Variants in NECTIN4 observed in about 807,000 individuals in gnomAD.
NECTIN4 encodes nectin-4.
Under a neutral mutation model 51.7 loss-of-function variants are expected in NECTIN4, and 19 were observed. That is an observed-to-expected ratio of 0.37 (90% confidence interval 0.26 to 0.54). The LOEUF is 0.54. Ranked by LOEUF, NECTIN4 falls within the 20% of genes least tolerant of loss-of-function variation. The pLI is 0.86. For missense variants in NECTIN4, 619 were observed against 662.4 expected (o/e 0.93, Z 0.72); for synonymous variants, 283 against 286.9 (o/e 0.99, Z 0.14).
chr1:161,079,747 G>A lies in NECTIN4; in HGVS notation c.282C>T (p.Tyr94=), dbSNP rs766926567. The A allele has an allele frequency of 1.9e-6, 3 of 1,611,130 alleles. No individual in the cohort carries two copies. In the South Asian group the frequency reaches 3.3e-5, roughly 18 times the overall value. Residue 94 remains tyrosine, a synonymous_variant, in exon 2 of 9, where the codon TAC becomes TAT. Coordinates refer to ENST00000368012, the MANE Select transcript of NECTIN4 (RefSeq NM_030916.3). The part of the protein sequence containing the change: ...SKYGLHVSPA[Y]EGRVEQPPPP... Reference sequence around the variant, plus strand: ...GCGGCGGCTGCTCCACGCGGCCCTCGTAAGCCGGGCTCACATGAAGCCCGT... The same window carrying A: ...GCGGCGGCTGCTCCACGCGGCCCTCATAAGCCGGGCTCACATGAAGCCCGT...
In NECTIN4 at chr1:161,070,998, C is replaced by T. The variant is rs1385146243; in HGVS notation, c.*1663G>A. On this transcript the variant is annotated 3_prime_UTR_variant, in exon 9 of 9. Coordinates refer to ENST00000368012, the MANE Select transcript of NECTIN4 (RefSeq NM_030916.3). The stretch of plus-strand genomic sequence containing the variant: ...GGGGCAAGACAGGAGCCAGACAGAA[C>T]AAGTTTTGTCTGTTTATTTAAAAAC... 4 of 152,086 alleles carry T rather than the reference C, an allele frequency of 2.6e-5. No homozygotes were observed. The highest frequency in any genetic ancestry group is 9.7e-5 in the African/African-American group (4 of 41,388). The allele number at this position is 152,086 out of a possible 1,614,324, so 9.4% of individuals were successfully genotyped here.
intron 1 of NECTIN4, among the ~76,000 whole-genome samples, chr1:161,085,379 C>T (rs146075641): frequency 0.013 from 1,917 of 152,240 alleles, 32 homozygotes; most frequent in Non-Finnish European, 0.018. Context: ...CTGGCTGAGT[C>T]ACCACAACAG....
At chr1:161,074,791 C>G (rs753131344) in intron 4 of NECTIN4, 32 bp from the exon 5 acceptor site, 2 of 1,607,356 alleles carry the variant, frequency 1.2e-6, no homozygotes, top group Non-Finnish European at 8.5e-7. Context: ...GGGTGCCAGC[C>G]GGGAAGGGCT....
At position 161,074,699 on chromosome 1, in the gene NECTIN4, T is replaced by C. The variant is rs778115899; in HGVS notation, c.912A>G (p.Pro304=). ...RVDGDTLGFP[P]LTTEHSGIYV... ...AGATGCCGCTGTGCTCAGTGGTCAGTGGGGGAAAGCCCAAAGTGTCCCCAT... is the reference window on the plus strand; with the variant it reads ...AGATGCCGCTGTGCTCAGTGGTCAGCGGGGGAAAGCCCAAAGTGTCCCCAT... The change falls in exon 5 of 9, where the codon CCA becomes CCG. Residue 304 remains proline, a synonymous_variant. Transcript: ENST00000368012. The C allele has an allele frequency of 1.2e-6, 2 of 1,614,182 alleles. No individual in the cohort carries two copies. The highest frequency in any genetic ancestry group is 2.2e-5 in the East Asian group (1 of 44,882).
intron 1 of NECTIN4, chr1:161,087,195 G>A (rs928635025): frequency 1.3e-5 from 2 of 152,226 alleles, no homozygotes; most frequent in African/African-American, 4.8e-5. Context: ...GAGCCAGAAT[G>A]GGGGTGGTAG....
chr1:161,077,712 T>C lies in NECTIN4; in HGVS notation c.471A>G (p.Pro157=), dbSNP rs556317834. 3 of 1,611,558 alleles carry C rather than the reference T, an allele frequency of 1.9e-6. No individual in the cohort carries two copies. The African/African-American group carries it at 4.0e-5, about 22-fold the overall frequency. Residue 157 remains proline, a synonymous_variant, in exon 3 of 9, where the codon CCA becomes CCG. Transcript: ENST00000368012. ...TCAGGCCCTGGCCCTCTTCTAGTGC[T>C]GGACCAGGATTCAGTGAGGGCAGGG... ...VPPLPSLNPG[P]ALEEGQGLTL...
At chr1:161,076,566 G>A (rs1653425373) in intron 3 of NECTIN4, 91 bp from the exon 4 acceptor site, 2 of 1,547,456 alleles carry the variant, frequency 1.3e-6, no homozygotes, top group Admixed American at 1.7e-5. Flanking sequence ...CACCCTGCCT[G>A]AAACACCCTC....
At position 161,077,671 on chromosome 1, in the gene NECTIN4, C is replaced by T; in HGVS notation, c.512G>A (p.Cys171Tyr). Residue 171 changes from cysteine (C) to tyrosine (Y), a missense_variant, in exon 3 of 9, where the codon TGC (cysteine) becomes TAC (tyrosine). Cys to Tyr is a radical substitution (Grantham distance 194). Around this residue, in one of 3 missense-constraint regions of NECTIN4, gnomAD observed 37 missense variants for 60.3 expected, o/e 0.61. Transcript: ENST00000368012. ...GGGGGCTGGGCTGCCCTCAGCTGTGCAGGAGGCTGCCAGGGTCAGGCCCTG... is the reference window on the plus strand; with the variant it reads ...GGGGGCTGGGCTGCCCTCAGCTGTGTAGGAGGCTGCCAGGGTCAGGCCCTG... ...EGQGLTLAAS[C>Y]TAEGSPAPSV... 1 of 1,613,346 alleles carries T rather than the reference C, an allele frequency of 6.2e-7. No homozygotes were observed. The highest frequency in any genetic ancestry group is 8.5e-7 in the Non-Finnish European group (1 of 1,180,022).
At chr1:161,080,896 A>G (rs1653652530) in intron 1 of NECTIN4, among the ~76,000 whole-genome samples, 1 of 152,206 alleles carries the variant, frequency 6.6e-6, no homozygotes, top group Admixed American at 6.5e-5. Flanking sequence ...GGAGACACAT[A>G]TGGAAACATG....
intron 8 of NECTIN4, 83 bp downstream of exon 8, chr1:161,073,142 G>A: frequency 8.1e-7 from 1 of 1,230,028 alleles, no homozygotes; most frequent in Non-Finnish European, 1.2e-6. Flanking sequence ...GACTGGTAAG[G>A]GGGCTGCTGA....
At chr1:161,080,072 C>A in intron 1 of NECTIN4, 123 bp from the exon 2 acceptor site, 1 of 1,148,042 alleles carries the variant, frequency 8.7e-7, no homozygotes, top group Non-Finnish European at 1.2e-6. Context: ...TTGCAAAGCA[C>A]ATTCAGTTCA....
rs1653231833 is a variant in NECTIN4 at position 161,072,739 on chromosome 1, A to T, written c.1455T>A (p.Phe485Leu). 1 of 1,614,090 alleles carries T rather than the reference A, an allele frequency of 6.2e-7. No individual in the cohort carries two copies. Among genetic ancestry groups the T allele is most frequent in the African/African-American group, 1.3e-5 (1 of 74,942 alleles). ...CCCGTAGGGTCCCATTCTCCTGAAC[A>T]AAATGGTTCATGGCCTGTTTGATGC... ...DEGIKQAMNHFVQENGTLRAK... is the reference protein window; with the variant it reads ...DEGIKQAMNHLVQENGTLRAK... Residue 485 changes from phenylalanine to leucine, a missense_variant, in exon 9 of 9, where the codon TTT becomes TTA. Phe to Leu is a conservative substitution (Grantham distance 22, BLOSUM62 0). Transcript: ENST00000368012.
At chr1:161,081,188 G>A (rs977897206) in intron 1 of NECTIN4, among the ~76,000 whole-genome samples, 3 of 152,100 alleles carry the variant, frequency 2.0e-5, no homozygotes, top group African/African-American at 7.2e-5. Flanking sequence ...GGACAGGGTG[G>A]GGCCAAATCA....
At chr1:161,072,910 G>A in intron 8 of NECTIN4, 25 bp from the exon 9 acceptor site, 1 of 1,595,096 alleles carries the variant, frequency 6.3e-7, no homozygotes, top group Non-Finnish European at 8.5e-7. Context: ...CAAAGGGCAA[G>A]TCAGGAACAA....
intron 1 of NECTIN4, among the ~76,000 whole-genome samples, chr1:161,088,403 C>T (rs1341143061): frequency 6.6e-6 from 1 of 152,286 alleles, no homozygotes; most frequent in Non-Finnish European, 1.5e-5. Flanking sequence ...ACACACTCTC[C>T]TCTACTCTGA....
rs1425490823 is a variant in NECTIN4 at position 161,089,314 on chromosome 1, C to T, written c.-18G>A. 1.2e-5 allele frequency: 19 copies of T among 1,597,930 alleles called. No homozygotes were observed. Among genetic ancestry groups the T allele is most frequent in the Non-Finnish European group, 1.6e-5 (19 of 1,176,290 alleles). ...AGGGGCATGGTTGAAAGGCAGACTG[C>T]CCAGCGTTTCTGAAGTTCCACCGAG... On this transcript the variant is annotated 5_prime_UTR_variant, in exon 1 of 9. Transcript: ENST00000368012. The surrounding 1 kb of genome is among the most constrained non-coding windows in gnomAD (Gnocchi z 4.1).
Position 161,079,876 on chromosome 1 carries a change from G to A in NECTIN4, c.153C>T (p.Pro51=), listed in dbSNP as rs745820981. The A allele has an allele frequency of 6.2e-7, 1 of 1,613,876 alleles. No homozygotes were observed. Among genetic ancestry groups the A allele is most frequent in the South Asian group, 1.1e-5 (1 of 91,078 alleles). ...CGCCGGAGTCCCCTCGGTAGAAGCA[G>A]GGCAGTTTTGCGTCCTGGCCCAGCA... is the stretch of plus-strand genomic sequence containing the variant. ...TVVLGQDAKL[P]CFYRGDSGEQ... Residue 51 remains proline (P), a synonymous_variant, in exon 2 of 9, where the codon CCC becomes CCT. Transcript: ENST00000368012.
At position 161,079,527 on chromosome 1, in the gene NECTIN4, C is replaced by T. The variant is rs1427491807; in HGVS notation, c.439+63G>A. On this transcript the variant is annotated intron_variant, in intron 2 of 8. Transcript: ENST00000368012. Reference sequence around the variant, plus strand: ...CCTCTGCCCCATCCATCTCTGCAGTCCCCATCTCTGCTTCCCCCTGCATCC... The same window carrying T: ...CCTCTGCCCCATCCATCTCTGCAGTTCCCATCTCTGCTTCCCCCTGCATCC... 107 of 1,587,602 alleles carry T rather than the reference C, an allele frequency of 6.7e-5. 2 individuals carry two copies. The highest frequency in any genetic ancestry group is 7.1e-5 in the Non-Finnish European group (83 of 1,171,992).
chr1:161,075,670 G>C (rs10908822), intron 4 of NECTIN4, among the ~76,000 whole-genome samples: 1 of 151,856 alleles, frequency 6.6e-6, no homozygotes, highest in African/African-American at 2.4e-5. Context: ...TACTTGGGAG[G>C]CTGAGGCAGG....
Sources: gnomAD v4.1 joint callset for allele counts (sites outside exome capture counted in the v4.1 genomes callset) on GRCh38, gnomAD v4.1.1 for gene constraint, gnomAD v4.1.1 regional missense constraint, Gnocchi (gnomAD v3.1) non-coding constraint, MANE v1.5 for transcripts, NCBI Gene and HGNC (gene_info 2026-07-23, HGNC 2026-07-21) for gene names.